LMOD1: variants seen among roughly 807,000 people sequenced by gnomAD.
The protein encoded by LMOD1 is leiomodin-1.
A neutral mutation model predicts 36.5 loss-of-function variants in LMOD1; 8 were observed. The observed-to-expected ratio is 0.22, with a 90% CI of 0.13 to 0.40. LMOD1 has a LOEUF of 0.40. Ranked by LOEUF, LMOD1 falls within the 10% of genes least tolerant of loss-of-function variation. LMOD1 has a pLI of 1.00. For missense variants in LMOD1, 630 were observed against 751.1 expected, an observed-to-expected ratio of 0.84 and a Z score of 1.88; for synonymous variants, 284 against 288.7, an observed-to-expected ratio of 0.98 and a Z score of 0.17.
chr1:201,945,390 G>T (rs1356814591), intron 1 of LMOD1, among the ~76,000 whole-genome samples: 1 of 152,164 alleles, frequency 6.6e-6, no homozygotes, highest in Non-Finnish European at 1.5e-5. Context: ...CAAAAAGAGG[G>T]CATGCTCCCT....
chr1:201,944,191 G>A (rs1682165357), intron 1 of LMOD1, among the ~76,000 whole-genome samples: 4 of 152,194 alleles, frequency 2.6e-5, no homozygotes, highest in Admixed American at 2.6e-4. Flanking sequence ...TCTATTTCTT[G>A]ACTCGGGCTC....
At chr1:201,929,125 C>T (rs1179582672) in intron 1 of LMOD1, among the ~76,000 whole-genome samples, 2 of 150,828 alleles carry the variant, frequency 1.3e-5, no homozygotes, top group Non-Finnish European at 3.0e-5. Flanking sequence ...TATTTAGAGA[C>T]GGAGTCTGGC....
intron 1 of LMOD1, among the ~76,000 whole-genome samples, chr1:201,917,482 G>A (rs1162898846): frequency 6.6e-5 from 10 of 152,130 alleles, no homozygotes; most frequent in Admixed American, 3.3e-4. Context: ...CATCACTAGG[G>A]GGATGAAGGT....
intron 1 of LMOD1, among the ~76,000 whole-genome samples, chr1:201,928,918 A>G (rs60006856): frequency 0.17 from 25,575 of 151,648 alleles, 2,271 homozygotes; most frequent in South Asian, 0.23. Context: ...GGGTTTTGCC[A>G]TGTTGTCCAA....
At chr1:201,927,233 T>G (rs982258349) in intron 1 of LMOD1, among the ~76,000 whole-genome samples, 15 of 152,318 alleles carry the variant, frequency 9.8e-5, no homozygotes, top group Admixed American at 3.3e-4. Context: ...ACTGGAACAC[T>G]TGAGTCTTTA....
rs973734633 is a variant in LMOD1, at chr1:201,920,250, G to A, written c.262-19499C>T. Among the ~76,000 whole-genome samples, 20 of 151,814 alleles carry A rather than the reference G, an allele frequency of 1.3e-4. 1 individual carries two copies. The highest frequency in any genetic ancestry group is 3.9e-4 in the African/African-American group (16 of 41,300). ...AATTTTTGTATTTTTAGCAGAGACAGGGTTTCTCCATGTTGGCCAGGCTGG... is the reference window on the plus strand; with the variant it reads ...AATTTTTGTATTTTTAGCAGAGACAAGGTTTCTCCATGTTGGCCAGGCTGG... On this transcript the variant is annotated intron_variant, in intron 1 of 2. Coordinates refer to ENST00000367288, the MANE Select transcript of LMOD1 (RefSeq NM_012134.3).
chr1:201,927,874 T>G (rs1681855844), intron 1 of LMOD1, among the ~76,000 whole-genome samples: 1 of 152,242 alleles, frequency 6.6e-6, no homozygotes, highest in Non-Finnish European at 1.5e-5. Context: ...GGGAGTGCTG[T>G]GTTTGGAATG....
chr1:201,911,581 C>A (rs1482166358), intron 1 of LMOD1, among the ~76,000 whole-genome samples: 1 of 152,146 alleles, frequency 6.6e-6, no homozygotes, highest in African/African-American at 2.4e-5. Context: ...AGGAGAATCC[C>A]TTGAACCCGG....
intron 1 of LMOD1, among the ~76,000 whole-genome samples, chr1:201,928,567 G>A (rs1681866868): frequency 6.6e-6 from 1 of 152,202 alleles, no homozygotes; most frequent in Non-Finnish European, 1.5e-5. Context: ...AGGGAAATCT[G>A]CTTATAGCAA....
chr1:201,907,045 A>C (rs1194261519), intron 1 of LMOD1, among the ~76,000 whole-genome samples: 1 of 152,218 alleles, frequency 6.6e-6, no homozygotes, highest in Non-Finnish European at 1.5e-5. Flanking sequence ...TAGACATCAA[A>C]GATTCAGATC....
rs189201846 is a variant in LMOD1 at position 201,900,186 on chromosome 1, G to C, written c.827C>G (p.Pro276Arg). The change falls in exon 2 of 3, where the codon CCC (proline) becomes CGC (arginine). Residue 276 changes from proline (P) to arginine (R), a missense_variant. Physicochemically the swap from Pro to Arg is moderately radical, Grantham distance 103 (BLOSUM62 -2). This residue lies in a region of LMOD1 where 405 missense variants were observed against 400.6 expected (regional missense o/e 1.01). Transcript: ENST00000367288. ...ATCCTTGGCTTCCTTTTCATGTAAGGGTTCATTCTTCTTGACTTTTTCATC... is the reference window on the plus strand; with the variant it reads ...ATCCTTGGCTTCCTTTTCATGTAAGCGTTCATTCTTCTTGACTTTTTCATC... The part of the protein sequence containing the change: ...KDDEKVKKNE[P>R]LHEKEAKDDS... The C allele has an allele frequency of 1.1e-4, 181 of 1,613,826 alleles. 4 individuals are homozygous for C. The highest frequency in any genetic ancestry group is 4.3e-4 in the Admixed American group (26 of 60,006).
chr1:201,910,744 CTT>C (rs58506647), intron 1 of LMOD1, among the ~76,000 whole-genome samples: 322 of 48,982 alleles, frequency 6.6e-3, no homozygotes, highest in Non-Finnish European at 9.9e-3. Flanking sequence ...TGGTGTCATT[CTT>C]TTTTTTTTTT....
In LMOD1 at chr1:201,897,441, T is replaced by G. The variant is rs1325658074; in HGVS notation, c.*931A>C. On this transcript the variant is annotated 3_prime_UTR_variant, in exon 3 of 3. Transcript: ENST00000367288. ...TAGTAGAGGCCTGGCCTTCTAGACC[T>G]GGACAACCAGGTCAGTGGAGAGTCT... is the stretch of plus-strand genomic sequence containing the variant. 2 of 153,412 alleles carry G rather than the reference T, an allele frequency of 1.3e-5. No individual in the cohort carries two copies. Among genetic ancestry groups the G allele is most frequent in the Non-Finnish European group, 2.9e-5 (2 of 68,582 alleles). The allele number at this position is 153,412 out of a possible 1,614,324, so 9.5% of individuals were successfully genotyped here. A position where few individuals can be genotyped will look rare whatever the true frequency, so the allele number is the denominator to read the frequency against.
chr1:201,941,716 T>C (rs1171479749), intron 1 of LMOD1, among the ~76,000 whole-genome samples: 1 of 152,152 alleles, frequency 6.6e-6, no homozygotes, highest in Non-Finnish European at 1.5e-5. Flanking sequence ...GTGCAGGCAG[T>C]GGGAGTGGAA....
chr1:201,915,460 A>G (rs1308677189), intron 1 of LMOD1, among the ~76,000 whole-genome samples: 1 of 151,620 alleles, frequency 6.6e-6, no homozygotes, highest in Non-Finnish European at 1.5e-5. Flanking sequence ...CAAAAACTGG[A>G]CTCCTTATCT....
intron 1 of LMOD1, among the ~76,000 whole-genome samples, chr1:201,920,140 A>G (rs1558238926): frequency 7.4e-6 from 1 of 135,508 alleles, no homozygotes; most frequent in Non-Finnish European, 1.5e-5. Context: ...GCTCACTGCA[A>G]CCTCAACCTC....
rs147583547 is a variant in LMOD1, at chr1:201,902,810, G to A, written c.262-2059C>T. ...TCCATGGATCCCTGTTTCTTCCTCC[G>A]TAAGGTTGCACCGAGCCTGAGCCCT... On this transcript the variant is annotated intron_variant, in intron 1 of 2. Coordinates refer to ENST00000367288, the MANE Select transcript of LMOD1 (RefSeq NM_012134.3). 5.3e-5 allele frequency among the ~76,000 whole-genome samples: 8 copies of A among 152,236 alleles called. No individual in the cohort carries two copies. The East Asian group carries it at 1.2e-3, about 22-fold the overall frequency.
chr1:201,942,122 G>C (rs1352875223), intron 1 of LMOD1, among the ~76,000 whole-genome samples: 1 of 152,128 alleles, frequency 6.6e-6, no homozygotes, highest in Non-Finnish European at 1.5e-5. Flanking sequence ...TTAAAGGGAG[G>C]GAGAGAAGCT....
intron 1 of LMOD1, among the ~76,000 whole-genome samples, chr1:201,935,019 C>A (rs1409202097): frequency 2.0e-5 from 3 of 152,256 alleles, no homozygotes; most frequent in African/African-American, 7.2e-5. Context: ...GTAGCATCCA[C>A]AGACTGATGA....
Sources: allele counts gnomAD v4.1 joint callset (sites outside exome capture counted in the v4.1 genomes callset), GRCh38; gene constraint gnomAD v4.1.1; regional missense constraint gnomAD v4.1.1; transcripts MANE v1.5; gene names NCBI Gene and HGNC (gene_info 2026-07-23, HGNC 2026-07-21).